TENM3: variants seen among roughly 807,000 people sequenced by gnomAD.
TENM3 encodes the protein teneurin-3.
Under a neutral mutation model 255.1 loss-of-function variants are expected in TENM3, and 63 were observed. The observed-to-expected ratio is 0.25, with a 90% CI of 0.20 to 0.30. The LOEUF (loss-of-function observed/expected upper bound fraction) is 0.30, where lower values mean the gene tolerates loss of function less well. Among genes scored for constraint, TENM3 ranks in the 10% least tolerant of loss-of-function variants. The pLI is 1.00. For missense variants in TENM3, 2,929 were observed against 3,461.1 expected, an observed-to-expected ratio of 0.85 and a Z score of 3.86; for synonymous variants, 1,306 against 1,322.3, an observed-to-expected ratio of 0.99 and a Z score of 0.27.
At chr4:182,159,484 G>T (rs796910185) in intron 1 of TENM3, among the ~76,000 whole-genome samples, 1 of 137,158 alleles carries the variant, frequency 7.3e-6, no homozygotes, top group South Asian at 2.4e-4. Context: ...GTGTGTGTGT[G>T]TATCAGGATG....
chr4:181,473,381 A>G, the TENM3 span, among the ~76,000 whole-genome samples: 3 of 152,024 alleles, frequency 2.0e-5, no homozygotes, highest in Non-Finnish European at 4.4e-5. Flanking sequence ...TGAGCCCAGG[A>G]GTTTGAGACC....
At chr4:181,875,499 T>A in the TENM3 span, among the ~76,000 whole-genome samples, 1 of 151,912 alleles carries the variant, frequency 6.6e-6, no homozygotes, top group East Asian at 1.9e-4. Context: ...AGGTTTTAAA[T>A]GTGGTCAAAA....
intron 6 of TENM3, 33 bp from the exon 7 acceptor site, chr4:182,672,972 T>G: frequency 7.1e-7 from 1 of 1,405,200 alleles, no homozygotes; most frequent in Non-Finnish European, 9.6e-7. Flanking sequence ...TTAAAAAAAA[T>G]TTGTTCTTCA....
chr4:181,487,275 T>C, the TENM3 span, among the ~76,000 whole-genome samples: 1 of 152,192 alleles, frequency 6.6e-6, no homozygotes, highest in African/African-American at 2.4e-5. Flanking sequence ...TTTGACTGTT[T>C]ACTTTTTAGT....
intron 3 of TENM3, among the ~76,000 whole-genome samples, chr4:182,481,099 T>A (rs1050839111): frequency 2.0e-5 from 3 of 152,104 alleles, no homozygotes; most frequent in African/African-American, 7.2e-5. Flanking sequence ...AGTGAATAAT[T>A]GAGAATTTGT....
rs776763991 is a variant in TENM3 at position 182,607,413 on chromosome 4, G to A, written c.749+6252G>A. Among the ~76,000 whole-genome samples, 5 of 152,036 alleles carry A rather than the reference G, an allele frequency of 3.3e-5. No homozygotes were observed. The East Asian group carries it at 5.8e-4, about 18-fold the overall frequency. On this transcript the variant is annotated intron_variant, in intron 4 of 27. Transcript: ENST00000511685. ...TAGGTGGATTTTTGTAGGTAGGAAC[G>A]CCCAGACTGTTAATTTTGTTCTTGA...
intron 3 of TENM3, among the ~76,000 whole-genome samples, chr4:182,396,383 T>C (rs1281917162): frequency 6.6e-6 from 1 of 152,216 alleles, no homozygotes; most frequent in Non-Finnish European, 1.5e-5. Context: ...TTTCATTTAC[T>C]TATTGAAATC....
At chr4:181,698,428 A>G in the TENM3 span, among the ~76,000 whole-genome samples, 1 of 152,076 alleles carries the variant, frequency 6.6e-6, no homozygotes. Context: ...TTCCATAGAC[A>G]TTTCCCACAA....
At chr4:181,512,555 G>T in the TENM3 span, among the ~76,000 whole-genome samples, 1 of 152,086 alleles carries the variant, frequency 6.6e-6, no homozygotes. Context: ...TAATACAAAA[G>T]TTCACTTCTT....
intron 3 of TENM3, among the ~76,000 whole-genome samples, chr4:182,423,592 C>T (rs1413772599): frequency 6.6e-6 from 1 of 152,004 alleles, no homozygotes; most frequent in Non-Finnish European, 1.5e-5. Flanking sequence ...GAGAACAATG[C>T]CACTGTAAAA....
chr4:182,395,978 A>G (rs1229728934), intron 3 of TENM3, among the ~76,000 whole-genome samples: 2 of 152,214 alleles, frequency 1.3e-5, no homozygotes, highest in Non-Finnish European at 2.9e-5. Flanking sequence ...TAATGATTCC[A>G]TTTTATACTA....
intron 2 of TENM3, among the ~76,000 whole-genome samples, chr4:182,335,362 G>T (rs11735658): frequency 0.54 from 68,388 of 127,168 alleles, 14,357 homozygotes; most frequent in Non-Finnish European, 0.57. Context: ...GGGCGCGGTG[G>T]CAGGCGCCTG....
chr4:182,077,385 G>C, the TENM3 span, among the ~76,000 whole-genome samples: 1 of 152,144 alleles, frequency 6.6e-6, no homozygotes, highest in Non-Finnish European at 1.5e-5. Context: ...AACACTGTTT[G>C]TGGGATGATA....
the TENM3 span, among the ~76,000 whole-genome samples, chr4:181,971,158 G>T: frequency 2.0e-5 from 3 of 152,130 alleles, no homozygotes; most frequent in Non-Finnish European, 4.4e-5. Context: ...ATATAAGACC[G>T]TCACAAAATG....
At chr4:182,611,058 T>C (rs928767343) in intron 4 of TENM3, among the ~76,000 whole-genome samples, 1 of 152,074 alleles carries the variant, frequency 6.6e-6, no homozygotes, top group Admixed American at 6.6e-5. Context: ...TATCTTCTTT[T>C]TAAGGCCCAT....
chr4:181,829,082 C>T, the TENM3 span, among the ~76,000 whole-genome samples: 11 of 152,172 alleles, frequency 7.2e-5, no homozygotes, highest in South Asian at 2.1e-4. Context: ...TTAAATCACA[C>T]GCACACAGGC....
At chr4:181,924,637 C>A in the TENM3 span, among the ~76,000 whole-genome samples, 2 of 152,118 alleles carry the variant, frequency 1.3e-5, no homozygotes, top group Admixed American at 6.5e-5. Flanking sequence ...ATTCAGAATC[C>A]TTTTCTTACT....
At chr4:181,782,895 G>A in the TENM3 span, among the ~76,000 whole-genome samples, 33 of 152,148 alleles carry the variant, frequency 2.2e-4, no homozygotes, top group Non-Finnish European at 4.0e-4. Flanking sequence ...AGTCATTCAG[G>A]AGCAGGTTGT....
chr4:181,915,701 G>A, the TENM3 span, among the ~76,000 whole-genome samples: 1 of 150,218 alleles, frequency 6.7e-6, no homozygotes, highest in Non-Finnish European at 1.5e-5. Flanking sequence ...GGGAGGGGAG[G>A]AGAGAAAAGA....
Sources: allele counts gnomAD v4.1 joint callset (sites outside exome capture counted in the v4.1 genomes callset), GRCh38; gene constraint gnomAD v4.1.1; transcripts MANE v1.5; gene names NCBI Gene and HGNC (gene_info 2026-07-23, HGNC 2026-07-21).